The following PTPRM variants were observed in gnomAD, a reference collection of about 807,000 sequenced individuals.
PTPRM encodes protein tyrosine phosphatase receptor type M.
A neutral mutation model predicts 186.7 loss-of-function variants in PTPRM; 47 were observed. The ratio of observed to expected loss-of-function variants is 0.25; its 90% CI spans 0.20 to 0.32. The LOEUF (loss-of-function observed/expected upper bound fraction) is 0.32, where lower values mean the gene tolerates loss of function less well. Ranked by LOEUF, PTPRM falls within the 10% of genes least tolerant of loss-of-function variation. The pLI is 1.00. For missense variants in PTPRM, 1,494 were observed against 1,865.0 expected, an observed-to-expected ratio of 0.80 and a Z score of 3.66; for synonymous variants, 668 against 674.9, an observed-to-expected ratio of 0.99 and a Z score of 0.16.
intron 1 of PTPRM, among the ~76,000 whole-genome samples, chr18:7,624,110 C>A (rs1395421010): frequency 6.6e-6 from 1 of 152,182 alleles, no homozygotes; most frequent in Non-Finnish European, 1.5e-5. Context: ...TGGGATTTTA[C>A]ATTTTAAAAA....
intron 7 of PTPRM, among the ~76,000 whole-genome samples, chr18:7,958,428 A>AAG (rs2053460097): frequency 1.3e-5 from 2 of 152,132 alleles, no homozygotes; most frequent in South Asian, 4.1e-4. Context: ...AACCTTTCTT[A>AAG]ACTAATGAGG....
intron 1 of PTPRM, among the ~76,000 whole-genome samples, chr18:7,605,902 A>G (rs761909196): frequency 6.6e-6 from 1 of 152,162 alleles, no homozygotes; most frequent in African/African-American, 2.4e-5. Context: ...GGTTCCTGCC[A>G]TTGCAGAGCA....
At chr18:7,845,292 G>T (rs961426713) in intron 2 of PTPRM, among the ~76,000 whole-genome samples, 3 of 152,084 alleles carry the variant, frequency 2.0e-5, no homozygotes, top group African/African-American at 7.2e-5. Context: ...CAAAATTGTT[G>T]CATTTCATGA....
rs140989133 is a variant in PTPRM at position 8,398,726 on chromosome 18, C to T, written c.4344+4115C>T. Among the ~76,000 whole-genome samples the T allele has an allele frequency of 2.6e-3, 390 of 149,378 alleles. 1 individual carries two copies. Among genetic ancestry groups the T allele is most frequent in the African/African-American group, 9.4e-3 (376 of 40,056 alleles). On this transcript the variant is annotated intron_variant, in intron 32 of 32. Transcript: ENST00000580170. ...CAGAGGTTGCAGTGAGCTGAGATCG[C>T]ACCACTGCACTCTAGCCTAGGTAAC...
intron 20 of PTPRM, among the ~76,000 whole-genome samples, chr18:8,306,906 C>A (rs2095227970): frequency 6.6e-6 from 1 of 152,156 alleles, no homozygotes; most frequent in African/African-American, 2.4e-5. Context: ...CAAGGAATAA[C>A]TGAGTTTTCC....
At chr18:8,236,082 T>G (rs1204124049) in intron 14 of PTPRM, among the ~76,000 whole-genome samples, 1 of 152,214 alleles carries the variant, frequency 6.6e-6, no homozygotes, top group African/African-American at 2.4e-5. Flanking sequence ...ATGTCAGTAA[T>G]ATCCAGTTGA....
intron 1 of PTPRM, among the ~76,000 whole-genome samples, chr18:7,577,087 T>C (rs1679779679): frequency 6.6e-6 from 1 of 152,192 alleles, no homozygotes; most frequent in Non-Finnish European, 1.5e-5. Context: ...GGCTGTTTTT[T>C]TTTTCCTACT....
intron 13 of PTPRM, among the ~76,000 whole-genome samples, chr18:8,140,288 C>T (rs533457307): frequency 3.1e-4 from 47 of 152,036 alleles, no homozygotes; most frequent in Non-Finnish European, 5.9e-4. Context: ...GGGCCCAGAC[C>T]TCAAGCCAGT....
intron 22 of PTPRM, among the ~76,000 whole-genome samples, chr18:8,339,309 A>C (rs2095459896): frequency 6.6e-6 from 1 of 151,762 alleles, no homozygotes; most frequent in South Asian, 2.1e-4. Context: ...GGAATGTATT[A>C]CTGGCCTGAT....
At chr18:8,172,265 C>CT (rs869079652) in intron 14 of PTPRM, among the ~76,000 whole-genome samples, 20,163 of 137,756 alleles carry the variant, frequency 0.15, 1,897 homozygotes, top group Non-Finnish European at 0.22. Flanking sequence ...AAGTCTTGAC[C>CT]TTTTTTTTTT....
At chr18:8,054,365 T>G (rs2087757631) in intron 7 of PTPRM, among the ~76,000 whole-genome samples, 1 of 147,658 alleles carries the variant, frequency 6.8e-6, no homozygotes, top group Admixed American at 6.7e-5. Context: ...CTTTTCTGTT[T>G]GCTTTCTGGT....
chr18:8,223,752 A>G (rs1157215028), intron 14 of PTPRM, among the ~76,000 whole-genome samples: 1 of 152,264 alleles, frequency 6.6e-6, no homozygotes, highest in Non-Finnish European at 1.5e-5. Context: ...ATTGTGGTTT[A>G]TGTCGAACGC....
At chr18:7,662,644 T>C (rs2039006475) in intron 1 of PTPRM, among the ~76,000 whole-genome samples, 1 of 152,160 alleles carries the variant, frequency 6.6e-6, no homozygotes, top group African/African-American at 2.4e-5. Flanking sequence ...ATCTAGTATT[T>C]GATAACACAA....
At chr18:7,843,172 A>G (rs991050794) in intron 2 of PTPRM, among the ~76,000 whole-genome samples, 1 of 151,994 alleles carries the variant, frequency 6.6e-6, no homozygotes, top group African/African-American at 2.4e-5. Flanking sequence ...TTGCAACTAG[A>G]TTTTTGGACT....
At chr18:8,232,660 A>C (rs150616133) in intron 14 of PTPRM, among the ~76,000 whole-genome samples, 1 of 152,152 alleles carries the variant, frequency 6.6e-6, no homozygotes, top group Admixed American at 6.5e-5. Flanking sequence ...AGTAGCAAGT[A>C]CCAGAGATGG....
chr18:8,226,870 C>A (rs2094220152), intron 14 of PTPRM, among the ~76,000 whole-genome samples: 1 of 152,116 alleles, frequency 6.6e-6, no homozygotes. Flanking sequence ...TTTTCCACTT[C>A]TGGAGACTAC....
At chr18:7,602,636 A>T (rs2143760807) in intron 1 of PTPRM, among the ~76,000 whole-genome samples, 1 of 151,870 alleles carries the variant, frequency 6.6e-6, no homozygotes, top group Non-Finnish European at 1.5e-5. Context: ...CATGTTTTCA[A>T]GACTGTGGCA....
intron 1 of PTPRM, among the ~76,000 whole-genome samples, chr18:7,633,279 A>G (rs1280867147): frequency 6.6e-6 from 1 of 152,198 alleles, no homozygotes; most frequent in Non-Finnish European, 1.5e-5. Context: ...TTTTGCAACC[A>G]TTCCTTGATG....
At position 7,674,839 on chromosome 18, in the gene PTPRM, C is replaced by T. The variant is rs186128467; in HGVS notation, c.74-99310C>T. ...AGCTCTGCCTTGGTAGGCTCTTAAT[C>T]GTATTTCTGTAGTTACATAGAAATG... On this transcript the variant is annotated intron_variant, in intron 1 of 32. Coordinates refer to ENST00000580170, the MANE Select transcript of PTPRM (RefSeq NM_001105244.2). 2.6e-4 allele frequency among the ~76,000 whole-genome samples: 40 copies of T among 152,312 alleles called. No homozygotes were observed. The East Asian group carries it at 4.2e-3, about 16-fold the overall frequency.
Sources: gnomAD v4.1 joint callset for allele counts (sites outside exome capture counted in the v4.1 genomes callset) on GRCh38, gnomAD v4.1.1 for gene constraint, MANE v1.5 for transcripts, NCBI Gene and HGNC (gene_info 2026-07-23, HGNC 2026-07-21) for gene names.